Variants in SATL1 observed in about 807,000 individuals in gnomAD.
The protein encoded by SATL1 is spermidine/spermine N1-acetyl transferase like 1.
In SATL1, 47 loss-of-function variants were observed where a neutral mutation model predicts 51.8. The observed-to-expected ratio is 0.91, with a 90% CI of 0.72 to 1.16. The LOEUF (loss-of-function observed/expected upper bound fraction) is 1.16, where lower values mean the gene tolerates loss of function less well. Ranked by LOEUF, SATL1 falls within the 50% of genes most tolerant of loss-of-function variation. The probability of loss-of-function intolerance (pLI) is 0.00; values close to 1 mark genes in which losing one functional copy is unlikely to be tolerated. For synonymous variants in SATL1, 176 were observed against 182.4 expected (o/e 0.97, Z 0.28); for missense variants, 520 against 526.4 (o/e 0.99, Z 0.12).
At chrX:85,236,288 TCTGAAA>T (rs1277449542) in intron 1 of SATL1, among the ~76,000 whole-genome samples, 2 of 111,097 alleles carry the variant, frequency 1.8e-5, no homozygotes, top group Non-Finnish European at 3.8e-5. Context: ...TTCAAGCTAT[TCTGAAA>T]AATAGAGGAA....
intron 2 of SATL1, among the ~76,000 whole-genome samples, chrX:85,197,396 CT>C (rs1359424082): frequency 1.8e-5 from 2 of 110,656 alleles, no homozygotes; most frequent in African/African-American, 6.6e-5. Context: ...TATTAATACC[CT>C]TTTAGTTATT....
At chrX:85,158,840 A>T (rs1490783000) in intron 2 of SATL1, among the ~76,000 whole-genome samples, 1 of 111,961 alleles carries the variant, frequency 8.9e-6, no homozygotes, top group African/African-American at 3.2e-5. Context: ...TTACCATATT[A>T]TTGACTTTAT....
intron 2 of SATL1, among the ~76,000 whole-genome samples, chrX:85,204,619 G>A (rs185721631): frequency 2.4e-3 from 272 of 111,892 alleles, no homozygotes; most frequent in African/African-American, 8.6e-3. Context: ...GACAGGAAAA[G>A]AAACAATTCC....
chrX:85,167,251 TGG>T (rs201321430), intron 2 of SATL1, among the ~76,000 whole-genome samples: 159 of 84,482 alleles, frequency 1.9e-3, no homozygotes, highest in African/African-American at 6.8e-3. Context: ...ATCAGAGAGA[TGG>T]GGGGGGGGTT....
At position 85,206,191 on chromosome X, in the gene SATL1, G is replaced by A. The variant is rs758213636; in HGVS notation, c.-313+18014C>T. Among the ~76,000 whole-genome samples the A allele has an allele frequency of 3.6e-5, 4 of 111,883 alleles. No homozygotes were observed. The South Asian group carries it at 1.5e-3, about 42-fold the overall frequency. ...TGTGAATATAGATCTCAGGAGACAA[G>A]CATGGGCTGAAAAATATAAACTTGT... On this transcript the variant is annotated intron_variant, in intron 2 of 7. Coordinates refer to ENST00000644105, the MANE Select transcript of SATL1 (RefSeq NM_001367857.2).
At chrX:85,136,027 T>G (rs1925947287) in intron 2 of SATL1, among the ~76,000 whole-genome samples, 1 of 110,159 alleles carries the variant, frequency 9.1e-6, no homozygotes, top group Admixed American at 9.7e-5. Flanking sequence ...ATTCAAGAGT[T>G]ATTTAGGAGG....
intron 2 of SATL1, among the ~76,000 whole-genome samples, chrX:85,131,639 C>T (rs1469514389): frequency 1.8e-5 from 2 of 111,287 alleles, no homozygotes; most frequent in African/African-American, 6.5e-5. Context: ...GAGCATTTAG[C>T]CCATTTACAT....
chrX:85,167,863 A>G (rs1276312902), intron 2 of SATL1, among the ~76,000 whole-genome samples: 5 of 111,188 alleles, frequency 4.5e-5, no homozygotes, highest in Non-Finnish European at 9.4e-5. Context: ...TTGAACATCA[A>G]TGGAAAAATC....
At chrX:85,193,486 A>G (rs757816883) in intron 2 of SATL1, among the ~76,000 whole-genome samples, 1 of 112,066 alleles carries the variant, frequency 8.9e-6, no homozygotes, top group Admixed American at 9.5e-5. Flanking sequence ...CAACATATCT[A>G]GAGCATAGGG....
At position 85,238,579 on chromosome X, in the gene SATL1, T is replaced by A. The variant is rs778692654; in HGVS notation, c.-435+5009A>T. Among the ~76,000 whole-genome samples, 8 of 111,123 alleles carry A rather than the reference T, an allele frequency of 7.2e-5. No homozygotes were observed. In the East Asian group the frequency reaches 2.3e-3, roughly 31 times the overall value. Reference sequence around the variant, plus strand: ...GAGTCTGGGACAGGTAGTGGGAGGTTGGGGGAAATGGGGATAGTGAATGGG... The same window carrying A: ...GAGTCTGGGACAGGTAGTGGGAGGTAGGGGGAAATGGGGATAGTGAATGGG... On this transcript the variant is annotated intron_variant, in intron 1 of 7. Coordinates refer to ENST00000644105, the MANE Select transcript of SATL1 (RefSeq NM_001367857.2).
chrX:85,185,989 AC>A (rs1442138194), intron 2 of SATL1, among the ~76,000 whole-genome samples: 1 of 110,458 alleles, frequency 9.1e-6, no homozygotes, highest in Non-Finnish European at 1.9e-5. Context: ...GGCGAGTACC[AC>A]CTGGTTACCA....
intron 2 of SATL1, among the ~76,000 whole-genome samples, chrX:85,149,879 A>G: frequency 8.9e-6 from 1 of 112,130 alleles, no homozygotes; most frequent in East Asian, 2.8e-4. Flanking sequence ...TCTAAAATTG[A>G]CACCCTAACA....
chrX:85,202,628 C>T (rs185303717), intron 2 of SATL1, among the ~76,000 whole-genome samples: 34 of 112,010 alleles, frequency 3.0e-4, no homozygotes, highest in African/African-American at 4.5e-4. Flanking sequence ...AAGGGTCCTT[C>T]GCTTATTCCT....
chrX:85,166,235 A>G (rs1414106306), intron 2 of SATL1, among the ~76,000 whole-genome samples: 3 of 111,838 alleles, frequency 2.7e-5, no homozygotes, highest in African/African-American at 9.7e-5. Context: ...TTAATGACCA[A>G]TAGCACAAAG....
chrX:85,181,846 G>A (rs909059743), intron 2 of SATL1, among the ~76,000 whole-genome samples: 14 of 111,468 alleles, frequency 1.3e-4, no homozygotes, highest in African/African-American at 4.6e-4. Context: ...TTATTATAGG[G>A]AAAGATGCAA....
At chrX:85,137,564 C>T (rs925403022) in intron 2 of SATL1, among the ~76,000 whole-genome samples, 1 of 111,486 alleles carries the variant, frequency 9.0e-6, no homozygotes. Context: ...ACCTCTACCC[C>T]ACTCTGGCTT....
At chrX:85,155,670 G>A (rs774920322) in intron 2 of SATL1, among the ~76,000 whole-genome samples, 2 of 110,983 alleles carry the variant, frequency 1.8e-5, no homozygotes, top group East Asian at 5.7e-4. Context: ...AATTGACAAA[G>A]TAACTTTAAA....
At chrX:85,235,923 T>C (rs1370321671) in intron 1 of SATL1, among the ~76,000 whole-genome samples, 1 of 110,710 alleles carries the variant, frequency 9.0e-6, no homozygotes, top group Non-Finnish European at 1.9e-5. Context: ...ATTTTAAAAA[T>C]AGACCAACTT....
At chrX:85,095,598 G>A (rs1330806062) in intron 4 of SATL1, among the ~76,000 whole-genome samples, 3 of 55,608 alleles carry the variant, frequency 5.4e-5, no homozygotes, top group African/African-American at 1.5e-4. Flanking sequence ...AGGCCGAGGC[G>A]GGCGGATCAC....
Sources: allele counts gnomAD v4.1 joint callset (sites outside exome capture counted in the v4.1 genomes callset), GRCh38; gene constraint gnomAD v4.1.1; transcripts MANE v1.5; gene names NCBI Gene and HGNC (gene_info 2026-07-23, HGNC 2026-07-21).